The following EMCN variants were observed in gnomAD, a reference collection of about 807,000 sequenced individuals.
The protein encoded by EMCN is endomucin.
In EMCN, 37 loss-of-function variants were observed where a neutral mutation model predicts 38.4. The observed-to-expected ratio is 0.96, with a 90% CI of 0.74 to 1.27. The LOEUF is 1.27. Ranked by LOEUF, EMCN falls within the 50% of genes most tolerant of loss-of-function variation. The probability of loss-of-function intolerance (pLI) is 0.00; values close to 1 mark genes in which losing one functional copy is unlikely to be tolerated. For synonymous variants in EMCN, 95 were observed against 100.8 expected, an observed-to-expected ratio of 0.94 and a Z score of 0.35; for missense variants, 318 against 302.8, an observed-to-expected ratio of 1.05 and a Z score of -0.37.
At chr4:100,410,605 G>C (rs1040489971) in intron 10 of EMCN, among the ~76,000 whole-genome samples, 1 of 152,136 alleles carries the variant, frequency 6.6e-6, no homozygotes. Flanking sequence ...TCAGGGGGCA[G>C]TGGGGGCGGG....
At chr4:100,418,449 AT>A (rs1489212713) in intron 8 of EMCN, among the ~76,000 whole-genome samples, 1 of 152,028 alleles carries the variant, frequency 6.6e-6, no homozygotes, top group Non-Finnish European at 1.5e-5. Context: ...TAAGTTTATT[AT>A]TGACTATAGT....
At position 100,499,336 on chromosome 4, in the gene EMCN, T is replaced by G. The variant is rs151184667; in HGVS notation, c.64+18515A>C. ...TAAAAGTATTTTGTAAACTTTCAAT[T>G]AAATACACAAATATGGCAATATTAG... On this transcript the variant is annotated intron_variant, in intron 1 of 11. Coordinates refer to ENST00000296420, the MANE Select transcript of EMCN (RefSeq NM_016242.4). 3.2e-3 allele frequency among the ~76,000 whole-genome samples: 481 copies of G among 152,306 alleles called. 4 individuals carry two copies. The highest frequency in any genetic ancestry group is 0.011 in the African/African-American group (449 of 41,558).
chr4:100,463,925 C>T (rs1728248593), intron 4 of EMCN, among the ~76,000 whole-genome samples: 1 of 151,964 alleles, frequency 6.6e-6, no homozygotes, highest in Admixed American at 6.6e-5. Flanking sequence ...AATCTAGGGT[C>T]ATCTTATCAA....
intron 3 of EMCN, among the ~76,000 whole-genome samples, chr4:100,470,643 T>A (rs1392876220): frequency 6.6e-6 from 1 of 151,886 alleles, no homozygotes; most frequent in African/African-American, 2.4e-5. Context: ...AAATGACCCA[T>A]CAATGACAAA....
At chr4:100,437,222 T>G (rs1029353250) in intron 5 of EMCN, among the ~76,000 whole-genome samples, 1 of 152,194 alleles carries the variant, frequency 6.6e-6, no homozygotes, top group Non-Finnish European at 1.5e-5. Flanking sequence ...AATTTTCATG[T>G]CTTCTTTCAC....
chr4:100,512,259 T>A (rs969588345), intron 1 of EMCN, among the ~76,000 whole-genome samples: 2 of 152,194 alleles, frequency 1.3e-5, no homozygotes, highest in African/African-American at 4.8e-5. Flanking sequence ...GAAACCTCTA[T>A]TCAAGTTTTA....
chr4:100,446,302 G>A, intron 5 of EMCN: 2 of 516,070 alleles, frequency 3.9e-6, no homozygotes, highest in South Asian at 8.5e-5. Flanking sequence ...AAAAAATGGT[G>A]ATTAGTGGAG....
chr4:100,516,797 G>A (rs1196436576), intron 1 of EMCN, among the ~76,000 whole-genome samples: 1 of 152,028 alleles, frequency 6.6e-6, no homozygotes, highest in African/African-American at 2.4e-5. Flanking sequence ...TTAAGATTTT[G>A]TAGGCAGTAA....
At chr4:100,405,478 A>T (rs899112360) in intron 11 of EMCN, among the ~76,000 whole-genome samples, 1 of 152,144 alleles carries the variant, frequency 6.6e-6, no homozygotes, top group African/African-American at 2.4e-5. Context: ...TAAGATGATC[A>T]TGCAATTTTT....
At chr4:100,406,536 T>C (rs748115146) in intron 11 of EMCN, among the ~76,000 whole-genome samples, 65 of 152,254 alleles carry the variant, frequency 4.3e-4, no homozygotes, top group Non-Finnish European at 7.2e-4. Flanking sequence ...CACTTAGTTG[T>C]AGGGTTTTTA....
intron 5 of EMCN, among the ~76,000 whole-genome samples, chr4:100,428,051 A>G (rs905517758): frequency 6.6e-5 from 5 of 76,052 alleles, no homozygotes; most frequent in African/African-American, 4.1e-4. Context: ...TCTCTCTCCT[A>G]TATCCTTTCT....
chr4:100,442,971 T>C (rs1727565007), intron 5 of EMCN, among the ~76,000 whole-genome samples: 1 of 152,200 alleles, frequency 6.6e-6, no homozygotes, highest in African/African-American at 2.4e-5. Flanking sequence ...TGCCTCAGCC[T>C]CCCAAGTAGC....
At chr4:100,496,212 G>T (rs1469108818) in intron 1 of EMCN, among the ~76,000 whole-genome samples, 1 of 152,140 alleles carries the variant, frequency 6.6e-6, no homozygotes, top group African/African-American at 2.4e-5. Context: ...GTGAGACTCT[G>T]TAACATTTGA....
intron 5 of EMCN, among the ~76,000 whole-genome samples, chr4:100,431,747 CTGCTCTCTCTCTCTCACT>C (rs199721434): frequency 0.4 from 60,848 of 150,688 alleles, 13,028 homozygotes; most frequent in East Asian, 0.77. Context: ...CTCTCCCTTT[CTGCTCTCTCTCTCTCACT>C]TGCTCTCTCT....
At chr4:100,437,502 C>T (rs1038432172) in intron 5 of EMCN, among the ~76,000 whole-genome samples, 14 of 150,468 alleles carry the variant, frequency 9.3e-5, no homozygotes, top group Admixed American at 3.3e-4. Flanking sequence ...AGCAGATTTT[C>T]CCCTATGTTG....
chr4:100,493,025 C>T (rs1729125566), intron 1 of EMCN, among the ~76,000 whole-genome samples: 1 of 152,144 alleles, frequency 6.6e-6, no homozygotes, highest in Non-Finnish European at 1.5e-5. Context: ...GTACAGCTAA[C>T]ATCTGGGTTA....
At chr4:100,468,803 T>A (rs1728393635) in intron 3 of EMCN, among the ~76,000 whole-genome samples, 1 of 151,924 alleles carries the variant, frequency 6.6e-6, no homozygotes, top group South Asian at 2.1e-4. Flanking sequence ...AATATTAAAA[T>A]GTCCATATTA....
Position 100,447,586 on chromosome 4 carries a change from A to C in EMCN, c.377-15T>G, listed in dbSNP as rs1455673438. 5 of 1,552,594 alleles carry C rather than the reference A, an allele frequency of 3.2e-6. No individual in the cohort carries two copies. The highest frequency in any genetic ancestry group is 2.7e-6 in the Non-Finnish European group (3 of 1,127,816). On this transcript the variant is annotated splice_polypyrimidine_tract_variant and intron_variant, in intron 4 of 11. Transcript: ENST00000296420. ...CTGAGTTTCAGCTTTAGAAGGAAAA[A>C]AAGAAAAAAAATCAGTACAATTAAA...
At chr4:100,488,290 C>T (rs1025195737) in intron 1 of EMCN, among the ~76,000 whole-genome samples, 2 of 152,158 alleles carry the variant, frequency 1.3e-5, no homozygotes, top group Admixed American at 6.5e-5. Flanking sequence ...AGGAGTTCTA[C>T]ATAATTGGTC....
Sources: gnomAD v4.1 joint callset for allele counts (sites outside exome capture counted in the v4.1 genomes callset) on GRCh38, gnomAD v4.1.1 for gene constraint, MANE v1.5 for transcripts, NCBI Gene and HGNC (gene_info 2026-07-23, HGNC 2026-07-21) for gene names.